Variants in ERCC2 observed in about 807,000 individuals in gnomAD.
ERCC2 encodes the protein general transcription and DNA repair factor IIH helicase subunit XPD.
A neutral mutation model predicts 99.4 loss-of-function variants in ERCC2; 90 were observed. The ratio of observed to expected loss-of-function variants is 0.91; its 90% CI spans 0.76 to 1.08. ERCC2 has a LOEUF of 1.08. Ranked by LOEUF, ERCC2 falls within the 50% of genes least tolerant of loss-of-function variation. ERCC2 has a pLI of 0.00. For missense variants in ERCC2, 993 were observed against 1,038.1 expected (o/e 0.96, Z 0.60); for synonymous variants, 497 against 432.4 (o/e 1.15, Z -1.85).
chr19:45,352,980 G>T, intron 19 of ERCC2, 103 bp downstream of exon 19: 1 of 1,346,080 alleles, frequency 7.4e-7, no homozygotes. Context: ...TGTGCACCTA[G>T]GCTGGGGGTG....
At position 45,350,545 on chromosome 19, in the gene ERCC2, A is replaced by C; in HGVS notation, c.*1084T>G. On this transcript the variant is annotated 3_prime_UTR_variant, in exon 23 of 23. Coordinates refer to ENST00000391945, the MANE Select transcript of ERCC2 (RefSeq NM_000400.4). ...CCAACACAGGCACAGCTGGTGACGC[A>C]GAACAGGTGAGGATGGGCTGTGCTT... 1.2e-6 allele frequency: 2 copies of C among 1,613,764 alleles called. No individual in the cohort carries two copies. The highest frequency in any genetic ancestry group is 1.7e-6 in the Non-Finnish European group (2 of 1,179,944).
chr19:45,352,172 G>A, intron 22 of ERCC2, 37 bp downstream of exon 22: 4 of 1,610,378 alleles, frequency 2.5e-6, no homozygotes, highest in Non-Finnish European at 3.4e-6. Context: ...GAGAAGCTCA[G>A]CCTGGGAGGG....
At chr19:45,354,337 CTTAA>C (rs2123235295) in intron 17 of ERCC2, among the ~76,000 whole-genome samples, 1 of 152,344 alleles carries the variant, frequency 6.6e-6, no homozygotes, top group South Asian at 2.1e-4. Context: ...TTGGTCCAGC[CTTAA>C]TTCTCTAGAA....
chr19:45,370,038 G>T (rs902646146), intron 2 of ERCC2, 95 bp downstream of exon 2: 10 of 1,174,878 alleles, frequency 8.5e-6, no homozygotes, highest in East Asian at 4.9e-5. Context: ...AGGGACCTCG[G>T]ACTTCTAAAA....
At chr19:45,358,697 C>A in intron 12 of ERCC2, 1 of 669,450 alleles carries the variant, frequency 1.5e-6, no homozygotes, top group Non-Finnish European at 2.7e-6. Flanking sequence ...AAAAGTCAGC[C>A]CCTCCGAGAG....
intron 1 of ERCC2, 94 bp from the exon 2 acceptor site, chr19:45,370,326 G>A (rs1568547023): frequency 6.4e-7 from 1 of 1,553,938 alleles, no homozygotes; most frequent in Non-Finnish European, 8.7e-7. Flanking sequence ...AGGGTGACGG[G>A]CCCGGCGCCC....
intron 12 of ERCC2, chr19:45,358,537 C>T (rs1014273445): frequency 1.3e-5 from 5 of 392,278 alleles, no homozygotes; most frequent in African/African-American, 8.2e-5. Context: ...CCCCAAGAAG[C>T]CTCCCATGGC....
In ERCC2 at chr19:45,364,993, C is replaced by T. The variant is rs771643770; in HGVS notation, c.478-39G>A. 3 of 1,608,548 alleles carry T rather than the reference C, an allele frequency of 1.9e-6. No individual in the cohort carries two copies. The South Asian group carries it at 3.3e-5, about 18-fold the overall frequency. On this transcript the variant is annotated intron_variant, in intron 6 of 22. Transcript: ENST00000391945. ...GCCAGGGGTCAGGGAGGCTGCCTGC[C>T]CCAGGCTACCTGTCCTGCCTCCCTC... is the stretch of plus-strand genomic sequence containing the variant.
chr19:45,355,809 CTAAGCTTTTT>C, intron 15 of ERCC2, 81 bp from the exon 16 acceptor site: 1 of 731,584 alleles, frequency 1.4e-6, no homozygotes, highest in Non-Finnish European at 2.3e-6. Context: ...TGGTGCTGTT[CTAAGCTTTTT>C]TTTTTTTTTT....
intron 11 of ERCC2, among the ~76,000 whole-genome samples, chr19:45,362,858 T>C (rs1024665119): frequency 6.6e-6 from 1 of 152,226 alleles, no homozygotes; most frequent in Non-Finnish European, 1.5e-5. Flanking sequence ...AAGCCCCAAC[T>C]ACCGGGCACA....
chr19:45,352,462 TTGGAGCC>T, intron 21 of ERCC2, 37 bp downstream of exon 21: 1 of 1,614,062 alleles, frequency 6.2e-7, no homozygotes, highest in Non-Finnish European at 8.5e-7. Flanking sequence ...AGCCTGGTTC[TTGGAGCC>T]TGGGATGGGA....
Position 45,350,459 on chromosome 19 carries a change from CCTCCTGGTGGCTTCT to C in ERCC2, c.*1155_*1169del, listed in dbSNP as rs762411089. On this transcript the variant is annotated 3_prime_UTR_variant, in exon 23 of 23. Transcript: ENST00000391945. ...GAGCCCCTAGCCCCTGTCTGTCTTCCCTCCTGGTGGCTTCTCTATGTCCCCATCTCAGTGTCCCCC... is the reference window on the plus strand; with the variant it reads ...GAGCCCCTAGCCCCTGTCTGTCTTCCCTATGTCCCCATCTCAGTGTCCCCC... 1 of 1,612,966 alleles carries C rather than the reference CCTCCTGGTGGCTTCT, an allele frequency of 6.2e-7. No individual in the cohort carries two copies. Among genetic ancestry groups the C allele is most frequent in the East Asian group, 2.2e-5 (1 of 44,874 alleles).
At chr19:45,361,466 T>C (rs1972215954) in intron 12 of ERCC2, 58 bp downstream of exon 12, 3 of 1,269,688 alleles carry the variant, frequency 2.4e-6, no homozygotes, top group Non-Finnish European at 3.5e-6. Flanking sequence ...TAGACCCTGC[T>C]GGGACCCTGA....
chr19:45,350,113 CGGCCAGGTCAGCACATTAGAAAGTGG>C lies in ERCC2; in HGVS notation c.*1490_*1515del. 1 of 551,808 alleles carries C rather than the reference CGGCCAGGTCAGCACATTAGAAAGTGG, an allele frequency of 1.8e-6. No homozygotes were observed. Among genetic ancestry groups the C allele is most frequent in the East Asian group, 3.1e-5 (1 of 32,594 alleles). The allele number at this position is 551,808 out of a possible 1,614,324, so 34.2% of individuals were successfully genotyped here. On this transcript the variant is annotated 3_prime_UTR_variant, in exon 23 of 23. Transcript: ENST00000391945. The stretch of plus-strand genomic sequence containing the variant: ...CAAGGCTTTAGGCAGGGGAAGGATA[CGGCCAGGTCAGCACATTAGAAAGTGG>C]GGCCAGACGTGGTGGTTCACGCTTG...
chr19:45,350,626 C>A lies in ERCC2; in HGVS notation c.*1003G>T, dbSNP rs763219085. On this transcript the variant is annotated 3_prime_UTR_variant, in exon 23 of 23. Coordinates refer to ENST00000391945, the MANE Select transcript of ERCC2 (RefSeq NM_000400.4). ...GGGCCTGGGGGACTGAGCAGCATCCCCGGCCCCTCCCCAGGCCCTTCGCCG... is the reference window on the plus strand; with the variant it reads ...GGGCCTGGGGGACTGAGCAGCATCCACGGCCCCTCCCCAGGCCCTTCGCCG... 1 of 1,613,278 alleles carries A rather than the reference C, an allele frequency of 6.2e-7. No homozygotes were observed. The highest frequency in any genetic ancestry group is 1.7e-5 in the Admixed American group (1 of 59,970).
rs182272593 is a variant in ERCC2 at position 45,350,336 on chromosome 19, C to T, written c.*1293G>A. The T allele has an allele frequency of 1.8e-4, 292 of 1,612,796 alleles. No individual in the cohort carries two copies. The highest frequency in any genetic ancestry group is 4.7e-4 in the East Asian group (21 of 44,868). ...AAAAGTTCCCAGACACTCCCTTCTC[C>T]GCAGGCCTCAGCCTACCTGAAACAG... is the stretch of plus-strand genomic sequence containing the variant. On this transcript the variant is annotated 3_prime_UTR_variant, in exon 23 of 23. Coordinates refer to ENST00000391945, the MANE Select transcript of ERCC2 (RefSeq NM_000400.4).
At chr19:45,368,140 C>T (rs947772521) in intron 5 of ERCC2, among the ~76,000 whole-genome samples, 7 of 152,134 alleles carry the variant, frequency 4.6e-5, no homozygotes, top group African/African-American at 1.4e-4. Flanking sequence ...TCCCAAAGTG[C>T]TGGGACTACA....
At chr19:45,353,024 G>A in intron 19 of ERCC2, 59 bp downstream of exon 19, 1 of 1,538,078 alleles carries the variant, frequency 6.5e-7, no homozygotes, top group Non-Finnish European at 9.0e-7. Flanking sequence ...AGCAGAGCGG[G>A]CAGGTGTTCC....
rs759571745 is a variant in ERCC2, at chr19:45,351,620, C to T, written c.*9G>A. On this transcript the variant is annotated 3_prime_UTR_variant, in exon 23 of 23. Transcript: ENST00000391945. ...CACCAGGAACCGTTTATGGCCCCAC[C>T]CGCCCCACTCAGAGCTGCTGAGCAA... 1.9e-6 allele frequency: 3 copies of T among 1,613,738 alleles called. No individual in the cohort carries two copies. The highest frequency in any genetic ancestry group is 2.2e-5 in the East Asian group (1 of 44,886).
Sources: allele counts gnomAD v4.1 joint callset (sites outside exome capture counted in the v4.1 genomes callset), GRCh38; gene constraint gnomAD v4.1.1; transcripts MANE v1.5; gene names NCBI Gene and HGNC (gene_info 2026-07-23, HGNC 2026-07-21).